LHFPL3: variants seen among roughly 807,000 people sequenced by gnomAD.
LHFPL3 encodes LHFPL tetraspan subfamily member 3 protein.
In LHFPL3, 5 loss-of-function variants were observed where a neutral mutation model predicts 19.3. The observed-to-expected ratio is 0.26, with a 90% CI of 0.14 to 0.54. The LOEUF (loss-of-function observed/expected upper bound fraction) is 0.54, where lower values mean the gene tolerates loss of function less well. Ranked by LOEUF, LHFPL3 falls within the 20% of genes least tolerant of loss-of-function variation. The pLI, the probability that LHFPL3 is intolerant of heterozygous loss-of-function variation, is 0.94. For missense variants in LHFPL3, 249 were observed against 307.4 expected (o/e 0.81, Z 1.42); for synonymous variants, 133 against 126.2 (o/e 1.05, Z -0.36).
chr7:104,729,117 G>C (rs1403618722), intron 1 of LHFPL3, among the ~76,000 whole-genome samples: 1 of 152,072 alleles, frequency 6.6e-6, no homozygotes, highest in Non-Finnish European at 1.5e-5. Flanking sequence ...AAGTTCTGTG[G>C]TGCCACACTA....
chr7:104,592,013 C>T (rs1185830317), intron 1 of LHFPL3, among the ~76,000 whole-genome samples: 5 of 152,236 alleles, frequency 3.3e-5, no homozygotes, highest in Non-Finnish European at 2.9e-5. Context: ...GTTAGCCATT[C>T]GTCTAATCTT....
chr7:104,542,187 G>T (rs1039873132), intron 1 of LHFPL3, among the ~76,000 whole-genome samples: 1 of 151,994 alleles, frequency 6.6e-6, no homozygotes, highest in African/African-American at 2.4e-5. Flanking sequence ...GCGTGGCTTG[G>T]GTTTTTGAGG....
chr7:104,496,517 T>C (rs1793485149), intron 1 of LHFPL3, among the ~76,000 whole-genome samples: 1 of 152,180 alleles, frequency 6.6e-6, no homozygotes, highest in Admixed American at 6.5e-5. Flanking sequence ...ATGGTATTTC[T>C]AGTTCTAGAT....
chr7:104,600,077 A>C (rs1790934415), intron 1 of LHFPL3, among the ~76,000 whole-genome samples: 1 of 152,176 alleles, frequency 6.6e-6, no homozygotes, highest in Non-Finnish European at 1.5e-5. Flanking sequence ...CTGTGTACAG[A>C]AACTCACCCA....
intron 2 of LHFPL3, among the ~76,000 whole-genome samples, chr7:104,871,581 G>A (rs1411848171): frequency 1.3e-5 from 2 of 152,072 alleles, no homozygotes; most frequent in Non-Finnish European, 2.9e-5. Flanking sequence ...ACTTTGTAAA[G>A]TTTAATATTT....
chr7:104,654,719 T>C (rs1054371269), intron 1 of LHFPL3, among the ~76,000 whole-genome samples: 4 of 152,182 alleles, frequency 2.6e-5, no homozygotes, highest in African/African-American at 9.6e-5. Flanking sequence ...AGGTGCCCCA[T>C]GTTTTGGATA....
At chr7:104,497,825 G>C (rs939833442) in intron 1 of LHFPL3, among the ~76,000 whole-genome samples, 20 of 152,286 alleles carry the variant, frequency 1.3e-4, no homozygotes, top group African/African-American at 4.8e-4. Context: ...AGTGGGTAGA[G>C]AGGCTGAGCC....
intron 1 of LHFPL3, among the ~76,000 whole-genome samples, chr7:104,605,228 C>T (rs949508847): frequency 2.6e-5 from 4 of 152,068 alleles, no homozygotes; most frequent in Non-Finnish European, 5.9e-5. Context: ...ATGGATTTTA[C>T]TTTGTTTCCT....
intron 1 of LHFPL3, among the ~76,000 whole-genome samples, chr7:104,511,125 A>G (rs918316335): frequency 6.6e-6 from 1 of 152,212 alleles, no homozygotes; most frequent in Non-Finnish European, 1.5e-5. Context: ...ACCCAACAGT[A>G]AAAATACAGA....
intron 2 of LHFPL3, among the ~76,000 whole-genome samples, chr7:104,848,097 A>G (rs939454288): frequency 1.3e-5 from 2 of 152,218 alleles, no homozygotes; most frequent in African/African-American, 4.8e-5. Context: ...GGCCTCAGAA[A>G]GTATTACCAG....
intron 1 of LHFPL3, among the ~76,000 whole-genome samples, chr7:104,663,176 CTAGGGCACATGTTGAATTGGAATCTG>C: frequency 6.6e-6 from 1 of 152,302 alleles, no homozygotes; most frequent in Admixed American, 6.5e-5. Flanking sequence ...TCAAGGTTGT[CTAGGGCACATGTTGAATTGGAATCTG>C]AAATGCTTTA....
Position 104,328,851 on chromosome 7 carries a change from G to T in LHFPL3, c.72G>T (p.Leu24=), listed in dbSNP as rs113786684. The T allele has an allele frequency of 1.9e-6, 3 of 1,614,178 alleles. No homozygotes were observed. Among genetic ancestry groups the T allele is most frequent in the East Asian group, 2.2e-5 (1 of 44,852 alleles). The change falls in exon 1 of 3, where the codon CTG becomes CTT. Residue 24 remains leucine, a synonymous_variant. Transcript: ENST00000424859. This position sits in a 1 kb window ranked among gnomAD's most constrained non-coding sequence, Gnocchi z 4.6. ...TCCCGGCTCAGGAGGCTGCCAAGCTGTACCACACCAACTATGTGCGGAACT... is the reference window on the plus strand; with the variant it reads ...TCCCGGCTCAGGAGGCTGCCAAGCTTTACCACACCAACTATGTGCGGAACT... ...AMLPAQEAAK[L]YHTNYVRNSR...
chr7:104,904,858 T>A (rs544299360), intron 2 of LHFPL3, among the ~76,000 whole-genome samples: 2 of 152,268 alleles, frequency 1.3e-5, no homozygotes, highest in African/African-American at 4.8e-5. Context: ...AGGTTAATCA[T>A]ACTGTTTGAG....
chr7:104,430,410 A>ACGTG (rs1562895165), intron 1 of LHFPL3, among the ~76,000 whole-genome samples: 12 of 29,412 alleles, frequency 4.1e-4, no homozygotes, highest in African/African-American at 1.4e-3. Flanking sequence ...ATATACATAT[A>ACGTG]TATATATACA....
chr7:104,605,841 T>A (rs181287756), intron 1 of LHFPL3, among the ~76,000 whole-genome samples: 1 of 149,444 alleles, frequency 6.7e-6, no homozygotes, highest in African/African-American at 2.4e-5. Flanking sequence ...AAGTCCTTTT[T>A]GAATTTGGTC....
chr7:104,361,384 T>G (rs1790389034), intron 1 of LHFPL3, among the ~76,000 whole-genome samples: 1 of 152,226 alleles, frequency 6.6e-6, no homozygotes, highest in Non-Finnish European at 1.5e-5. Context: ...CCTGGAATAA[T>G]TGTTGTACAT....
chr7:104,850,558 G>C (rs747496525), intron 2 of LHFPL3, among the ~76,000 whole-genome samples: 1 of 152,152 alleles, frequency 6.6e-6, no homozygotes, highest in African/African-American at 2.4e-5. Context: ...CTGATGCAGA[G>C]GGCTTCCCCA....
chr7:104,622,234 T>A (rs1412195298), intron 1 of LHFPL3, among the ~76,000 whole-genome samples: 2 of 152,116 alleles, frequency 1.3e-5, no homozygotes, highest in Non-Finnish European at 2.9e-5. Context: ...CTCAGCCTCC[T>A]GTGTATCTGG....
chr7:104,587,469 A>G (rs1428299485), intron 1 of LHFPL3, among the ~76,000 whole-genome samples: 1 of 152,190 alleles, frequency 6.6e-6, no homozygotes, highest in Non-Finnish European at 1.5e-5. Flanking sequence ...TTATGGCTGC[A>G]TAGTATTCCA....
Sources: gnomAD v4.1 joint callset for allele counts (sites outside exome capture counted in the v4.1 genomes callset) on GRCh38, gnomAD v4.1.1 for gene constraint, Gnocchi (gnomAD v3.1) non-coding constraint, MANE v1.5 for transcripts, NCBI Gene and HGNC (gene_info 2026-07-23, HGNC 2026-07-21) for gene names.